Variants in DAB1 observed in about 807,000 individuals in gnomAD.
The protein encoded by DAB1 is disabled homolog 1.
A neutral mutation model predicts 64.6 loss-of-function variants in DAB1; 15 were observed. The ratio of observed to expected loss-of-function variants is 0.23; its 90% confidence interval spans 0.16 to 0.36. The LOEUF (loss-of-function observed/expected upper bound fraction) is 0.36. Ranked by LOEUF, DAB1 falls within the 10% of genes least tolerant of loss-of-function variation. The pLI is 1.00. For missense variants in DAB1, 596 were observed against 706.7 expected, an observed-to-expected ratio of 0.84 and a Z score of 1.78; for synonymous variants, 235 against 251.9, an observed-to-expected ratio of 0.93 and a Z score of 0.64.
rs1646253973 is a variant in DAB1 at position 57,011,129 on chromosome 1, C to T, written c.1572+16G>A. The T allele has an allele frequency of 6.2e-7, 1 of 1,613,496 alleles. No individual in the cohort carries two copies. Among genetic ancestry groups the T allele is most frequent in the African/African-American group, 1.3e-5 (1 of 74,900 alleles). On this transcript the variant is annotated intron_variant, in intron 13 of 14. Transcript: ENST00000371236. ...TTTAAGGAAAAACACAAACAAATAA[C>T]AAACTGGTCACTTACAGCTTCTTGC... is the stretch of plus-strand genomic sequence containing the variant.
intron 7 of DAB1, among the ~76,000 whole-genome samples, chr1:57,638,001 T>C (rs12123728): frequency 0.25 from 37,313 of 152,092 alleles, 4,934 homozygotes; most frequent in Admixed American, 0.34. Flanking sequence ...GAGAAACACT[T>C]TTGGCATGGG....
intron 1 of DAB1, among the ~76,000 whole-genome samples, chr1:57,870,354 A>C (rs993242736): frequency 8.5e-5 from 13 of 152,092 alleles, no homozygotes; most frequent in African/African-American, 3.1e-4. Context: ...GGCCAGCCTA[A>C]TAGGGAGGTG....
At chr1:57,998,431 C>A (rs377542378) in intron 5 of DAB1, among the ~76,000 whole-genome samples, 2 of 138,050 alleles carry the variant, frequency 1.4e-5, no homozygotes, top group Non-Finnish European at 3.0e-5. Flanking sequence ...TGCAATGGTG[C>A]GATCTCAGCT....
chr1:57,778,840 C>T (rs1342895585), intron 6 of DAB1, among the ~76,000 whole-genome samples: 1 of 151,418 alleles, frequency 6.6e-6, no homozygotes, highest in Non-Finnish European at 1.5e-5. Context: ...TCTTTTCTGT[C>T]CTCCCTTTCT....
intron 5 of DAB1, among the ~76,000 whole-genome samples, chr1:57,979,010 C>T (rs1570145130): frequency 6.6e-6 from 1 of 152,158 alleles, no homozygotes; most frequent in Admixed American, 6.5e-5. Context: ...TGTGGTGATG[C>T]CTCAAGGATC....
At chr1:57,681,252 C>A (rs1646633348) in intron 6 of DAB1, among the ~76,000 whole-genome samples, 1 of 152,192 alleles carries the variant, frequency 6.6e-6, no homozygotes, top group African/African-American at 2.4e-5. Context: ...CTCCCCTTTG[C>A]ATCTCTTGGT....
chr1:57,361,916 G>A (rs1392134183), intron 1 of DAB1, among the ~76,000 whole-genome samples: 6 of 152,112 alleles, frequency 3.9e-5, no homozygotes, highest in Non-Finnish European at 8.8e-5. Flanking sequence ...AATCAGAAGA[G>A]TATCATTATA....
At chr1:57,102,916 T>A (rs746644676) in intron 4 of DAB1, among the ~76,000 whole-genome samples, 4 of 152,138 alleles carry the variant, frequency 2.6e-5, no homozygotes, top group African/African-American at 9.7e-5. Context: ...GAAGCTCCTA[T>A]GCAAGAAGCT....
chr1:58,181,293 T>C (rs915185251), intron 4 of DAB1, among the ~76,000 whole-genome samples: 2 of 152,290 alleles, frequency 1.3e-5, no homozygotes, highest in Middle Eastern at 3.4e-3. Context: ...GTTTGCATGG[T>C]ATATCTTTTT....
At chr1:57,158,540 C>T (rs754494214) in intron 2 of DAB1, among the ~76,000 whole-genome samples, 2 of 152,168 alleles carry the variant, frequency 1.3e-5, no homozygotes, top group Non-Finnish European at 2.9e-5. Flanking sequence ...GCTGAAAGAG[C>T]CCTATTGTCT....
chr1:57,908,601 T>C (rs1478254328), intron 5 of DAB1, among the ~76,000 whole-genome samples: 1 of 129,578 alleles, frequency 7.7e-6, no homozygotes, highest in Non-Finnish European at 1.6e-5. Context: ...CCAAGCGCAG[T>C]CAGAGTCCTC....
intron 4 of DAB1, among the ~76,000 whole-genome samples, chr1:58,169,768 A>G (rs1656060872): frequency 6.6e-6 from 1 of 152,022 alleles, no homozygotes; most frequent in Non-Finnish European, 1.5e-5. Context: ...AATCTTCCCC[A>G]CCTGGAAGGA....
At chr1:57,035,898 A>G (rs1647131202) in intron 9 of DAB1, among the ~76,000 whole-genome samples, 1 of 120,682 alleles carries the variant, frequency 8.3e-6, no homozygotes, top group Non-Finnish European at 1.6e-5. Flanking sequence ...GTTGGAGTGC[A>G]GTGGTACAAT....
At chr1:58,161,030 A>G (rs561977438) in intron 4 of DAB1, among the ~76,000 whole-genome samples, 1 of 152,236 alleles carries the variant, frequency 6.6e-6, no homozygotes, top group African/African-American at 2.4e-5. Flanking sequence ...TAAGGAATAC[A>G]TAAGGGTCCA....
chr1:57,026,861 A>G (rs748250671), intron 9 of DAB1, among the ~76,000 whole-genome samples: 1 of 152,192 alleles, frequency 6.6e-6, no homozygotes, highest in Non-Finnish European at 1.5e-5. Context: ...CTTAGAAATT[A>G]ATCTGCATAA....
intron 1 of DAB1, among the ~76,000 whole-genome samples, chr1:57,865,716 T>C (rs1195251632): frequency 6.6e-6 from 1 of 152,154 alleles, no homozygotes; most frequent in East Asian, 1.9e-4. Flanking sequence ...TAATTATTTG[T>C]TCAGTATTTT....
In DAB1 at chr1:57,160,113, G is replaced by C. The variant is rs144225062; in HGVS notation, c.68-14684C>G. Among the ~76,000 whole-genome samples, 118 of 152,312 alleles carry C rather than the reference G, an allele frequency of 7.7e-4. 1 individual carries two copies. The East Asian group carries it at 0.022, about 28-fold the overall frequency. On this transcript the variant is annotated intron_variant, in intron 2 of 14. Coordinates refer to ENST00000371236, the MANE Select transcript of DAB1 (RefSeq NM_001365792.1). ...CTTAGATTTTCTCATCAGTGGGCTT[G>C]TGTCTTTTTCCTGGTGCCCAAGAAA...
intron 7 of DAB1, among the ~76,000 whole-genome samples, chr1:57,580,455 T>G (rs1333722208): frequency 6.6e-6 from 1 of 152,094 alleles, no homozygotes; most frequent in South Asian, 2.1e-4. Context: ...GTGGCTTCCT[T>G]TATTAGGGAC....
chr1:57,905,703 A>G (rs1644540083), intron 5 of DAB1, among the ~76,000 whole-genome samples: 1 of 152,062 alleles, frequency 6.6e-6, no homozygotes, highest in Admixed American at 6.5e-5. Flanking sequence ...GTAGGTGGAG[A>G]AAAGTGGAAG....
Sources: allele counts gnomAD v4.1 joint callset (sites outside exome capture counted in the v4.1 genomes callset), GRCh38; gene constraint gnomAD v4.1.1; transcripts MANE v1.5; gene names NCBI Gene and HGNC (gene_info 2026-07-23, HGNC 2026-07-21).